CFTR: variants seen among roughly 807,000 people sequenced by gnomAD.
CFTR encodes the protein cystic fibrosis transmembrane conductance regulator.
In CFTR, 181 loss-of-function variants were observed where a neutral mutation model predicts 171.6. That is an observed-to-expected ratio of 1.05 (90% CI 0.93 to 1.19). CFTR has a LOEUF of 1.19. Among genes scored for constraint, CFTR ranks in the 50% most tolerant of loss-of-function variants. The pLI, the probability that CFTR is intolerant of heterozygous loss-of-function variation, is 0.00. For missense variants in CFTR, 1,968 were observed against 1,734.7 expected, an observed-to-expected ratio of 1.13 and a Z score of -2.39; for synonymous variants, 583 against 608.0, an observed-to-expected ratio of 0.96 and a Z score of 0.60.
intron 9 of CFTR, among the ~76,000 whole-genome samples, chr7:117,545,266 A>G (rs1214558840): frequency 6.6e-6 from 1 of 152,182 alleles, no homozygotes; most frequent in Non-Finnish European, 1.5e-5. Flanking sequence ...TGATTCAATT[A>G]TCTCCCACTG....
At chr7:117,577,345 TTTG>T (rs1401518343) in intron 11 of CFTR, among the ~76,000 whole-genome samples, 2 of 152,122 alleles carry the variant, frequency 1.3e-5, no homozygotes, top group African/African-American at 4.8e-5. Flanking sequence ...TCCAATATTT[TTTG>T]TTTTGTGTTG....
At position 117,546,313 on chromosome 7, in the gene CFTR, T is replaced by G. The variant is rs1000543053; in HGVS notation, c.1210-2328T>G. 2.6e-5 allele frequency among the ~76,000 whole-genome samples: 4 copies of G among 152,058 alleles called. No homozygotes were observed. The East Asian group carries it at 7.7e-4, about 29-fold the overall frequency. On this transcript the variant is annotated intron_variant, in intron 9 of 26. Transcript: ENST00000003084. ...GGCCACCTACCTAATTTTTAATTTT[T>G]TTGTAGAGACAGGGTCTCACTACGT...
At chr7:117,633,559 T>G (rs1185540439) in intron 22 of CFTR, among the ~76,000 whole-genome samples, 1 of 152,074 alleles carries the variant, frequency 6.6e-6, no homozygotes, top group Admixed American at 6.5e-5. Context: ...AGAGGGGATA[T>G]CTTGGTCTTG....
Position 117,535,253 on chromosome 7 carries a change from T to C in CFTR, c.585T>C (p.Leu195=). The C allele has an allele frequency of 6.2e-7, 1 of 1,614,134 alleles. No homozygotes were observed. Among genetic ancestry groups the C allele is most frequent in the Non-Finnish European group, 8.5e-7 (1 of 1,179,996 alleles). Residue 195 remains leucine (L), a synonymous_variant, in exon 6 of 27, where the codon CTT becomes CTC. Transcript: ENST00000003084. ...SNNLNKFDEG[L]ALAHFVWIAP... ...GCTGTGCTTTTATTTTCCAGGGACTTGCATTGGCACATTTCGTGTGGATCG... is the reference window on the plus strand; with the variant it reads ...GCTGTGCTTTTATTTTCCAGGGACTCGCATTGGCACATTTCGTGTGGATCG...
At chr7:117,588,147 A>G (rs1791973387) in intron 12 of CFTR, among the ~76,000 whole-genome samples, 1 of 152,110 alleles carries the variant, frequency 6.6e-6, no homozygotes, top group Non-Finnish European at 1.5e-5. Context: ...GAAGATGTAA[A>G]TATCTGTTAG....
intron 23 of CFTR, among the ~76,000 whole-genome samples, chr7:117,644,819 G>A (rs557497066): frequency 2.4e-4 from 37 of 152,168 alleles, no homozygotes; most frequent in African/African-American, 8.7e-4. Context: ...AATTTGTTCT[G>A]TGTTACCTGT....
chr7:117,581,798 T>C (rs954684845), intron 11 of CFTR, among the ~76,000 whole-genome samples: 6 of 152,206 alleles, frequency 3.9e-5, no homozygotes, highest in African/African-American at 1.4e-4. Flanking sequence ...TCACCCAGGC[T>C]GGAGTGCAAT....
chr7:117,530,806 T>A (rs1317604756), intron 3 of CFTR, 93 bp from the exon 4 acceptor site: 2 of 830,822 alleles, frequency 2.4e-6, no homozygotes, highest in Non-Finnish European at 4.0e-6. Context: ...ATTTTAAGTC[T>A]CCTCTAAAGA....
chr7:117,548,565 C>T, intron 9 of CFTR, 76 bp from the exon 10 acceptor site: 1 of 1,557,590 alleles, frequency 6.4e-7, no homozygotes, highest in African/African-American at 1.4e-5. Flanking sequence ...ATAAAACAAG[C>T]ATCTATTGAA....
chr7:117,661,210 C>G (rs1255573931), intron 24 of CFTR, among the ~76,000 whole-genome samples: 1 of 151,960 alleles, frequency 6.6e-6, no homozygotes, highest in Non-Finnish European at 1.5e-5. Context: ...GTTGACTTTT[C>G]TCTAATGAAG....
In CFTR at chr7:117,635,334, A is replaced by T. The variant is rs1036276379; in HGVS notation, c.3718-7104A>T. ...TACTTTTAGTTTATATGTGGTTTTA[A>T]ATTTAAAGTGGGTTTCTTGTAGACA... On this transcript the variant is annotated intron_variant, in intron 22 of 26. Transcript: ENST00000003084. Among the ~76,000 whole-genome samples the T allele has an allele frequency of 4.9e-4, 74 of 152,124 alleles. No homozygotes were observed. The highest frequency in any genetic ancestry group is 1.7e-3 in the African/African-American group (70 of 41,556).
chr7:117,535,386 C>G lies in CFTR; in HGVS notation c.718C>G (p.Leu240Val), dbSNP rs199865300. 1.2e-6 allele frequency: 2 copies of G among 1,613,818 alleles called. No homozygotes were observed. Among genetic ancestry groups the G allele is most frequent in the Admixed American group, 1.7e-5 (1 of 59,978 alleles). Residue 240 changes from leucine (L) to valine (V), a missense_variant, in exon 6 of 27, where the codon CTA becomes GTA. Coordinates refer to ENST00000003084, the MANE Select transcript of CFTR (RefSeq NM_000492.4). ...LIVLALFQAG[L>V]GRMMMKYRDQ... ...AGTCCTTGCCCTTTTTCAGGCTGGG[C>G]TAGGGAGAATGATGATGAAGTACAG...
chr7:117,534,570 C>T (rs532242030), intron 5 of CFTR, among the ~76,000 whole-genome samples: 1 of 152,248 alleles, frequency 6.6e-6, no homozygotes, highest in Admixed American at 6.5e-5. Flanking sequence ...TCAAAGGCAC[C>T]TTAGCCTGTT....
intron 3 of CFTR, among the ~76,000 whole-genome samples, chr7:117,526,428 C>T (rs1425520577): frequency 1.4e-5 from 1 of 72,436 alleles, no homozygotes; most frequent in Admixed American, 1.7e-4. Flanking sequence ...CCAAAATTGA[C>T]ACCCTAACAT....
At chr7:117,579,782 A>T (rs145778105) in intron 11 of CFTR, among the ~76,000 whole-genome samples, 2 of 151,766 alleles carry the variant, frequency 1.3e-5, no homozygotes, top group African/African-American at 2.4e-5. Context: ...CTTAGGAAAC[A>T]TGAGAATATG....
At chr7:117,530,185 A>G (rs1798836170) in intron 3 of CFTR, among the ~76,000 whole-genome samples, 1 of 152,024 alleles carries the variant, frequency 6.6e-6, no homozygotes, top group South Asian at 2.1e-4. Flanking sequence ...GAGTCATTGG[A>G]ATCTGGCCTG....
At chr7:117,599,173 G>A (rs1040753702) in intron 15 of CFTR, among the ~76,000 whole-genome samples, 1 of 152,124 alleles carries the variant, frequency 6.6e-6, no homozygotes, top group African/African-American at 2.4e-5. Flanking sequence ...CAACATGAAT[G>A]TGAATAAAAC....
chr7:117,625,030 A>G (rs1342057207), intron 21 of CFTR, among the ~76,000 whole-genome samples: 2 of 152,184 alleles, frequency 1.3e-5, no homozygotes, highest in Non-Finnish European at 2.9e-5. Flanking sequence ...GTCCACATCT[A>G]TTCAGTAATG....
intron 3 of CFTR, among the ~76,000 whole-genome samples, chr7:117,529,983 G>A (rs1238884989): frequency 6.6e-6 from 1 of 152,148 alleles, no homozygotes; most frequent in Non-Finnish European, 1.5e-5. Context: ...AATGTAACAA[G>A]ATGGGTAAGA....
Sources: gnomAD v4.1 joint callset for allele counts (sites outside exome capture counted in the v4.1 genomes callset) on GRCh38, gnomAD v4.1.1 for gene constraint, MANE v1.5 for transcripts, NCBI Gene and HGNC (gene_info 2026-07-23, HGNC 2026-07-21) for gene names.